The following PCTP variants were observed in gnomAD, a reference collection of about 807,000 sequenced individuals.
PCTP encodes the protein START domain-containing protein 2.
PCTP carries 27 observed loss-of-function variants against 31.0 expected under a neutral mutation model. The ratio of observed to expected loss-of-function variants is 0.87; its 90% CI spans 0.64 to 1.20. PCTP has a LOEUF of 1.20. Among genes scored for constraint, PCTP ranks in the 50% most tolerant of loss-of-function variants. The probability of loss-of-function intolerance (pLI) is 0.00; values close to 1 mark genes in which losing one functional copy is unlikely to be tolerated. For synonymous variants in PCTP, 108 were observed against 101.2 expected (o/e 1.07, Z -0.40); for missense variants, 287 against 268.2 (o/e 1.07, Z -0.49).
chr17:55,778,479 T>C (rs537602750), downstream of PCTP, among the ~76,000 whole-genome samples: 42 of 152,310 alleles, frequency 2.8e-4, no homozygotes, highest in South Asian at 8.3e-3. Context: ...GAATGGTGAC[T>C]AAATGAGTGA....
chr17:55,760,156 T>C (rs1438031810), intron 1 of PCTP, among the ~76,000 whole-genome samples: 1 of 152,198 alleles, frequency 6.6e-6, no homozygotes, highest in Non-Finnish European at 1.5e-5. Context: ...TCTTCACTTA[T>C]AAAGTGGAGT....
intron 3 of PCTP, among the ~76,000 whole-genome samples, chr17:55,793,338 CCT>C (rs1010702592): frequency 5.9e-5 from 9 of 152,024 alleles, no homozygotes; most frequent in South Asian, 2.1e-4. Context: ...CATTTTCACC[CCT>C]GTTTCCTAAC....
chr17:55,790,726 T>C (rs1395027996), intron 3 of PCTP, among the ~76,000 whole-genome samples: 3 of 150,802 alleles, frequency 2.0e-5, no homozygotes, highest in Non-Finnish European at 4.4e-5. Context: ...ATGGCCATAC[T>C]GCCCAAGGTA....
At chr17:55,773,425 C>G (rs1911117326) in intron 3 of PCTP, among the ~76,000 whole-genome samples, 1 of 152,208 alleles carries the variant, frequency 6.6e-6, no homozygotes, top group African/African-American at 2.4e-5. Flanking sequence ...GACCATTCCT[C>G]TGTCATCTCC....
chr17:55,776,087 T>A lies in PCTP; in HGVS notation c.632T>A (p.Leu211His). ...KDMARACQNYLKKT is the reference protein window; with the variant it reads ...KDMARACQNYHKKT The stretch of plus-strand genomic sequence containing the variant: ...ATGGCAAGAGCCTGTCAGAACTACC[T>A]CAAGAAAACCTAAGAAAGAGAACTG... The change falls in exon 6 of 6, where the codon CTC becomes CAC. Residue 211 changes from leucine (L) to histidine (H), a missense_variant. Transcript: ENST00000268896. 6.2e-7 allele frequency: 1 copy of A among 1,613,996 alleles called. No homozygotes were observed. The highest frequency in any genetic ancestry group is 1.1e-5 in the South Asian group (1 of 91,056).
At chr17:55,755,524 T>C (rs767736777) in intron 1 of PCTP, among the ~76,000 whole-genome samples, 1 of 152,248 alleles carries the variant, frequency 6.6e-6, no homozygotes, top group Non-Finnish European at 1.5e-5. Context: ...GTGTCCTTTT[T>C]TTTAGTAGAC....
chr17:55,785,553 A>C (rs1476849644), intron 2 of PCTP, among the ~76,000 whole-genome samples: 1 of 152,266 alleles, frequency 6.6e-6, no homozygotes, highest in Non-Finnish European at 1.5e-5. Flanking sequence ...ATCTTGCTCA[A>C]ATGTTTTCCT....
chr17:55,832,266 T>C (rs1244420669), intron 5 of PCTP, among the ~76,000 whole-genome samples: 1 of 152,222 alleles, frequency 6.6e-6, no homozygotes, highest in Non-Finnish European at 1.5e-5. Context: ...CAATTATCTG[T>C]ATTCCTTAGT....
intron 1 of PCTP, among the ~76,000 whole-genome samples, chr17:55,761,671 CAG>C (rs1329612623): frequency 6.7e-6 from 1 of 150,146 alleles, no homozygotes; most frequent in Non-Finnish European, 1.5e-5. Flanking sequence ...TCAAAGGAGA[CAG>C]TACTTTTTAT....
chr17:55,777,733 C>T (rs544497284), downstream of PCTP, among the ~76,000 whole-genome samples: 8 of 152,312 alleles, frequency 5.3e-5, no homozygotes, highest in East Asian at 1.5e-3. Context: ...ACCTCTAAAA[C>T]ATATGCTTAT....
intron 1 of PCTP, among the ~76,000 whole-genome samples, chr17:55,764,230 T>C (rs987813922): frequency 6.6e-6 from 1 of 152,242 alleles, no homozygotes; most frequent in African/African-American, 2.4e-5. Context: ...GTCATTATCT[T>C]AACACATAAG....
At chr17:55,848,711 C>T in the PCTP span, among the ~76,000 whole-genome samples, 1 of 152,126 alleles carries the variant, frequency 6.6e-6, no homozygotes, top group Non-Finnish European at 1.5e-5. Flanking sequence ...GTGGCCCAAC[C>T]CCTTACCAGC....
rs762655094 is a variant in PCTP at position 55,773,836 on chromosome 17, G to T, written c.452G>T (p.Arg151Leu). ...PQLGERSGVI[R>L]VKQYKQSLAI... ...CTTGGCGAGAGGTCTGGGGTGATCC[G>T]GGTGAAGCAATACAAGCAGAGCCTG... is the stretch of plus-strand genomic sequence containing the variant. The change falls in exon 4 of 6, where the codon CGG (arginine) becomes CTG (leucine). Residue 151 changes from arginine (R) to leucine (L), a missense_variant. Arg to Leu is a moderately radical substitution (Grantham distance 102, BLOSUM62 -2). Transcript: ENST00000268896. 1.9e-6 allele frequency: 3 copies of T among 1,613,048 alleles called. No individual in the cohort carries two copies. The East Asian group carries it at 6.7e-5, about 36-fold the overall frequency.
chr17:55,823,235 C>T (rs906875427), downstream of PCTP: 3 of 153,526 alleles, frequency 2.0e-5, no homozygotes, highest in African/African-American at 4.8e-5. Flanking sequence ...AATGCTTTGT[C>T]AGAATTTTTA....
At chr17:55,783,464 A>G (rs1302168047) in intron 2 of PCTP, among the ~76,000 whole-genome samples, 3 of 152,184 alleles carry the variant, frequency 2.0e-5, no homozygotes, top group Non-Finnish European at 4.4e-5. Flanking sequence ...AATCTATCTT[A>G]TCCAATTCCT....
downstream of PCTP, among the ~76,000 whole-genome samples, chr17:55,778,566 C>T (rs1490801996): frequency 6.6e-6 from 1 of 150,398 alleles, no homozygotes; most frequent in African/African-American, 2.5e-5. Context: ...AGGCTCAATC[C>T]CCATGGATTC....
chr17:55,774,980 T>C lies in PCTP; in HGVS notation c.579+121T>C, dbSNP rs530151567. 3.0e-5 allele frequency: 34 copies of C among 1,120,268 alleles called. No homozygotes were observed. In the South Asian group the frequency reaches 3.7e-4, roughly 12 times the overall value. 69.4% of individuals were successfully genotyped at this position (1,120,268 alleles called of 1,614,324 possible). A position where few individuals can be genotyped will look rare whatever the true frequency, so the allele number is the denominator to read the frequency against. ...TTGTCTCAGGCGTAATGAGGCTCTTTTATGAAGAGTTTGGTTGAGTGACTC... is the reference window on the plus strand; with the variant it reads ...TTGTCTCAGGCGTAATGAGGCTCTTCTATGAAGAGTTTGGTTGAGTGACTC... On this transcript the variant is annotated intron_variant, in intron 5 of 5. Coordinates refer to ENST00000268896, the MANE Select transcript of PCTP (RefSeq NM_021213.4).
intron 5 of PCTP, among the ~76,000 whole-genome samples, chr17:55,831,192 G>A (rs1056894605): frequency 1.3e-5 from 2 of 152,116 alleles, no homozygotes; most frequent in East Asian, 1.9e-4. Flanking sequence ...AAAGCGACTC[G>A]GTAGCTGACA....
chr17:55,824,076 C>G (rs749895850), downstream of PCTP, among the ~76,000 whole-genome samples: 1 of 152,138 alleles, frequency 6.6e-6, no homozygotes, highest in Non-Finnish European at 1.5e-5. Context: ...TAGCTCCCTT[C>G]TTTTACCTTC....
Sources: gnomAD v4.1 joint callset for allele counts (sites outside exome capture counted in the v4.1 genomes callset) on GRCh38, gnomAD v4.1.1 for gene constraint, MANE v1.5 for transcripts, NCBI Gene and HGNC (gene_info 2026-07-23, HGNC 2026-07-21) for gene names.